The following EYA1 variants were observed in gnomAD, a reference collection of about 807,000 sequenced individuals.
EYA1 encodes the protein protein phosphatase EYA1.
Under a neutral mutation model 82.0 loss-of-function variants are expected in EYA1, and 16 were observed. That is an observed-to-expected ratio of 0.20 (90% CI 0.13 to 0.30). The LOEUF is 0.30. Ranked by LOEUF, EYA1 falls within the 10% of genes least tolerant of loss-of-function variation. The pLI is 1.00. For missense variants in EYA1, 633 were observed against 730.7 expected, an observed-to-expected ratio of 0.87 and a Z score of 1.54; for synonymous variants, 261 against 264.4, an observed-to-expected ratio of 0.99 and a Z score of 0.12.
At chr8:71,394,008 T>C (rs1041228879) in intron 2 of EYA1, among the ~76,000 whole-genome samples, 14 of 152,324 alleles carry the variant, frequency 9.2e-5, no homozygotes, top group South Asian at 6.2e-4. Flanking sequence ...TGGTATCTCA[T>C]GGTGGTTTTT....
chr8:71,296,150 T>C (rs1176571319), intron 9 of EYA1, among the ~76,000 whole-genome samples: 1 of 152,212 alleles, frequency 6.6e-6, no homozygotes, highest in Non-Finnish European at 1.5e-5. Context: ...GTTTTTAAAA[T>C]AGAGTAAAAT....
chr8:71,242,651 CTGAT>C (rs970223972), intron 12 of EYA1, among the ~76,000 whole-genome samples: 212 of 152,100 alleles, frequency 1.4e-3, no homozygotes, highest in African/African-American at 4.7e-3. Context: ...AAACAAAAAT[CTGAT>C]TATACTACAT....
Position 71,408,231 on chromosome 8 carries a change from A to G in EYA1, c.34-51720T>C, listed in dbSNP as rs1002817021. On this transcript the variant is annotated intron_variant, in intron 2 of 18. Coordinates refer to the EYA1 transcript ENST00000643681. ...AGAGCTCCTGAAGGAAGCGCTAAACATGGAAAGGAACAACTGGTACCAGCC... is the reference window on the plus strand; with the variant it reads ...AGAGCTCCTGAAGGAAGCGCTAAACGTGGAAAGGAACAACTGGTACCAGCC... 3.9e-5 allele frequency among the ~76,000 whole-genome samples: 6 copies of G among 152,020 alleles called. 1 individual carries two copies. Among genetic ancestry groups the G allele is most frequent in the Admixed American group, 2.0e-4 (3 of 15,260 alleles).
rs935566785 is a variant in EYA1, at chr8:71,544,771, G to A, written c.-73+3093C>T. Among the ~76,000 whole-genome samples the A allele has an allele frequency of 4.6e-5, 7 of 152,276 alleles. No individual in the cohort carries two copies. The South Asian group carries it at 1.0e-3, about 23-fold the overall frequency. ...TCTGAACACCATTGGCACTTACTGA[G>A]CTTAGGGATATTCAAATTCTTCTGC... On this transcript the variant is annotated intron_variant, in intron 1 of 18. Coordinates refer to the EYA1 transcript ENST00000643681.
intron 2 of EYA1, among the ~76,000 whole-genome samples, chr8:71,534,920 A>C (rs1013421833): frequency 6.6e-6 from 1 of 151,796 alleles, no homozygotes; most frequent in Non-Finnish European, 1.5e-5. Flanking sequence ...AAAAAAAAAA[A>C]AGAATTCTAC....
intron 2 of EYA1, among the ~76,000 whole-genome samples, chr8:71,446,535 C>T (rs1273502425): frequency 6.6e-6 from 1 of 152,086 alleles, no homozygotes; most frequent in Admixed American, 6.5e-5. Flanking sequence ...ACTATTACAA[C>T]CATAATATCC....
chr8:71,213,564 T>C (rs1808800265), intron 16 of EYA1, among the ~76,000 whole-genome samples: 1 of 152,248 alleles, frequency 6.6e-6, no homozygotes, highest in Non-Finnish European at 1.5e-5. Context: ...CTCTATTTGA[T>C]ATATTTCTTG....
chr8:71,378,129 A>G (rs963915922), intron 2 of EYA1, among the ~76,000 whole-genome samples: 1 of 152,126 alleles, frequency 6.6e-6, no homozygotes, highest in Non-Finnish European at 1.5e-5. Flanking sequence ...TAACAAAGCT[A>G]AATTTTAAAA....
At chr8:71,463,416 A>AACC (rs1808515492) in intron 2 of EYA1, among the ~76,000 whole-genome samples, 4 of 152,230 alleles carry the variant, frequency 2.6e-5, no homozygotes, top group Non-Finnish European at 5.9e-5. Flanking sequence ...GTAACTAGAC[A>AACC]ACCACCCCAG....
chr8:71,243,003 C>T (rs1461467612), intron 12 of EYA1, among the ~76,000 whole-genome samples: 9 of 152,024 alleles, frequency 5.9e-5, no homozygotes, highest in Admixed American at 5.2e-4. Flanking sequence ...GTCTCGAACT[C>T]CCAACCTCAG....
At chr8:71,358,352 T>C (rs1827085979) in intron 1 of EYA1, among the ~76,000 whole-genome samples, 1 of 152,212 alleles carries the variant, frequency 6.6e-6, no homozygotes, top group Admixed American at 6.5e-5. Flanking sequence ...TAGACTCTAC[T>C]GTATTTTCAT....
At chr8:71,495,427 A>G (rs1811341536) in intron 2 of EYA1, among the ~76,000 whole-genome samples, 1 of 152,100 alleles carries the variant, frequency 6.6e-6, no homozygotes, top group African/African-American at 2.4e-5. Context: ...CAACCTGGCC[A>G]GCATGGTGAA....
At chr8:71,512,284 T>A (rs1296241746) in intron 2 of EYA1, among the ~76,000 whole-genome samples, 1 of 151,956 alleles carries the variant, frequency 6.6e-6, no homozygotes, top group Non-Finnish European at 1.5e-5. Context: ...AGATGTCCAA[T>A]AGACCAGAGC....
chr8:71,349,214 C>T (rs535291746), intron 3 of EYA1, among the ~76,000 whole-genome samples: 48 of 152,258 alleles, frequency 3.2e-4, no homozygotes, highest in Admixed American at 1.2e-3. Flanking sequence ...ACTTCAAGAC[C>T]GGACTATAAC....
chr8:71,398,087 C>A (rs1829735264), intron 2 of EYA1, among the ~76,000 whole-genome samples: 1 of 152,148 alleles, frequency 6.6e-6, no homozygotes, highest in Non-Finnish European at 1.5e-5. Context: ...AAATCTTGTA[C>A]TTATGCTTGT....
At chr8:71,523,736 T>G (rs542180885) in intron 2 of EYA1, among the ~76,000 whole-genome samples, 6 of 152,356 alleles carry the variant, frequency 3.9e-5, no homozygotes, top group African/African-American at 1.4e-4. Flanking sequence ...ATATGTTCAT[T>G]TGAAAATTTT....
intron 10 of EYA1, among the ~76,000 whole-genome samples, chr8:71,270,790 C>T (rs902735064): frequency 6.6e-6 from 1 of 152,106 alleles, no homozygotes; most frequent in Non-Finnish European, 1.5e-5. Context: ...TCCAGGTTTT[C>T]CTTTCTCAAT....
chr8:71,305,459 T>C (rs1402791778), intron 7 of EYA1, among the ~76,000 whole-genome samples: 2 of 141,378 alleles, frequency 1.4e-5, no homozygotes, highest in African/African-American at 5.0e-5. Context: ...TACCTAGTTA[T>C]ATAACTATTG....
intron 12 of EYA1, among the ~76,000 whole-genome samples, chr8:71,239,514 C>T (rs1812223687): frequency 6.6e-6 from 1 of 152,142 alleles, no homozygotes; most frequent in South Asian, 2.1e-4. Flanking sequence ...AAAATGTGGT[C>T]CTTTATGTTT....
Sources: allele counts gnomAD v4.1 joint callset (sites outside exome capture counted in the v4.1 genomes callset), GRCh38; gene constraint gnomAD v4.1.1; transcripts MANE v1.5; gene names NCBI Gene and HGNC (gene_info 2026-07-23, HGNC 2026-07-21).